HECW1: variants seen among roughly 807,000 people sequenced by gnomAD.
The protein encoded by HECW1 is HECT, C2 and WW domain containing E3 ubiquitin protein ligase 1.
In HECW1, 61 loss-of-function variants were observed where a neutral mutation model predicts 182.3. The ratio of observed to expected loss-of-function variants is 0.33; its 90% CI spans 0.27 to 0.41. The LOEUF is 0.41. HECW1 is among the 10% of genes least tolerant of loss of function. The pLI is 1.00. For synonymous variants in HECW1, 859 were observed against 832.6 expected, an observed-to-expected ratio of 1.03 and a Z score of -0.55; for missense variants, 1,739 against 2,108.9, an observed-to-expected ratio of 0.82 and a Z score of 3.44.
At chr7:43,504,859 G>A (rs1267904899) in intron 21 of HECW1, among the ~76,000 whole-genome samples, 1 of 152,166 alleles carries the variant, frequency 6.6e-6, no homozygotes, top group Non-Finnish European at 1.5e-5. Context: ...TAGCAAACCT[G>A]TACACATCTT....
chr7:43,212,296 A>G (rs1444392560), intron 2 of HECW1, among the ~76,000 whole-genome samples: 4 of 152,212 alleles, frequency 2.6e-5, no homozygotes, highest in African/African-American at 4.8e-5. Context: ...ATCAAATCAG[A>G]TCATACACTC....
intron 3 of HECW1, among the ~76,000 whole-genome samples, chr7:43,292,995 C>T (rs1007283436): frequency 1.3e-5 from 2 of 151,972 alleles, no homozygotes; most frequent in South Asian, 2.1e-4. Context: ...GAGGCCAAGG[C>T]GGGTGGATCA....
chr7:43,246,699 C>T (rs1799408173), intron 3 of HECW1, among the ~76,000 whole-genome samples: 2 of 152,152 alleles, frequency 1.3e-5, no homozygotes, highest in South Asian at 4.1e-4. Flanking sequence ...TATCAAAGGC[C>T]CTCTGTGGAG....
intron 2 of HECW1, among the ~76,000 whole-genome samples, chr7:43,117,484 C>A (rs1785153990): frequency 1.3e-5 from 2 of 148,162 alleles, no homozygotes; most frequent in Non-Finnish European, 3.0e-5. Context: ...TCAGCTCAAT[C>A]TTTTCTACTT....
intron 26 of HECW1, among the ~76,000 whole-genome samples, chr7:43,549,287 G>A (rs2081701023): frequency 6.6e-6 from 1 of 152,204 alleles, no homozygotes; most frequent in Non-Finnish European, 1.5e-5. Context: ...GTGGTAACAA[G>A]TATTTTATCA....
intron 24 of HECW1, among the ~76,000 whole-genome samples, chr7:43,524,659 G>A (rs1388475358): frequency 1.3e-5 from 2 of 152,176 alleles, no homozygotes; most frequent in Non-Finnish European, 2.9e-5. Context: ...TTTGTAGATG[G>A]GAAGAGAGGA....
intron 28 of HECW1, among the ~76,000 whole-genome samples, chr7:43,552,906 C>G (rs888410416): frequency 9.9e-5 from 15 of 152,186 alleles, no homozygotes; most frequent in African/African-American, 3.6e-4. Context: ...CAGGTGACAT[C>G]GTCCTCATAT....
At chr7:43,162,351 A>G (rs1361041755) in intron 2 of HECW1, among the ~76,000 whole-genome samples, 1 of 152,198 alleles carries the variant, frequency 6.6e-6, no homozygotes, top group African/African-American at 2.4e-5. Flanking sequence ...AAGGCTCCAG[A>G]GCCCAATCAG....
intron 3 of HECW1, among the ~76,000 whole-genome samples, chr7:43,285,455 A>T (rs1405673595): frequency 1.3e-5 from 2 of 152,200 alleles, no homozygotes; most frequent in African/African-American, 4.8e-5. Context: ...TTCATGAGTC[A>T]TATGCCACTT....
intron 5 of HECW1, among the ~76,000 whole-genome samples, chr7:43,358,803 T>G (rs1214078385): frequency 1.3e-5 from 2 of 149,986 alleles, no homozygotes; most frequent in Non-Finnish European, 3.0e-5. Context: ...GAAGGGAGGA[T>G]CCTTAAAATA....
In HECW1 at chr7:43,471,579, C is replaced by T. The variant is rs990716359; in HGVS notation, c.3099+2474C>T. Among the ~76,000 whole-genome samples the T allele has an allele frequency of 4.6e-5, 7 of 152,186 alleles. No individual in the cohort carries two copies. The South Asian group carries it at 1.5e-3, about 32-fold the overall frequency. On this transcript the variant is annotated intron_variant, in intron 16 of 29. Coordinates refer to ENST00000395891, the MANE Select transcript of HECW1 (RefSeq NM_015052.5). ...CTCTGCTGCTTCAGGAGGACCGGGG[C>T]AAAGAACACGCTGGCATCTGACTCA...
intron 2 of HECW1, among the ~76,000 whole-genome samples, chr7:43,129,640 G>A (rs143886072): frequency 1.8e-4 from 27 of 152,170 alleles, no homozygotes; most frequent in East Asian, 7.7e-4. Context: ...AAAACAAAAC[G>A]GATAAAGGAC....
intron 6 of HECW1, among the ~76,000 whole-genome samples, chr7:43,367,249 G>T (rs2152817048): frequency 6.6e-6 from 1 of 152,262 alleles, no homozygotes; most frequent in Admixed American, 6.5e-5. Flanking sequence ...TTTGTGAATT[G>T]TTTTCCTGTT....
At chr7:43,478,714 A>AT (rs1236338973) in intron 16 of HECW1, among the ~76,000 whole-genome samples, 1 of 152,030 alleles carries the variant, frequency 6.6e-6, no homozygotes. Context: ...ATTTGGGGTG[A>AT]TTTTTATTAT....
intron 3 of HECW1, among the ~76,000 whole-genome samples, chr7:43,299,382 G>T (rs560781404): frequency 6.6e-6 from 1 of 152,264 alleles, no homozygotes; most frequent in African/African-American, 2.4e-5. Flanking sequence ...AGATGGTCAC[G>T]GGCATCTAAG....
intron 2 of HECW1, among the ~76,000 whole-genome samples, chr7:43,203,973 G>T (rs1227776093): frequency 1.3e-5 from 2 of 152,174 alleles, no homozygotes; most frequent in South Asian, 4.2e-4. Context: ...AATTATAAAT[G>T]GACTCTTTTT....
intron 17 of HECW1, among the ~76,000 whole-genome samples, chr7:43,480,367 A>G (rs2078381296): frequency 6.6e-6 from 1 of 152,096 alleles, no homozygotes; most frequent in South Asian, 2.1e-4. Context: ...CTCAAAACAT[A>G]GCTCTTTTTT....
At chr7:43,450,741 G>C (rs1209865696) in intron 11 of HECW1, 87 bp from the exon 12 acceptor site, 2 of 824,726 alleles carry the variant, frequency 2.4e-6, no homozygotes, top group Non-Finnish European at 4.2e-6. Context: ...GTTGTTTCTT[G>C]TAGTGCTTAG....
intron 5 of HECW1, among the ~76,000 whole-genome samples, chr7:43,338,297 G>A (rs1403215403): frequency 2.0e-5 from 3 of 152,146 alleles, no homozygotes; most frequent in Non-Finnish European, 4.4e-5. Context: ...CGTCAGTGCT[G>A]TGTGATGCCC....
Sources: gnomAD v4.1 joint callset for allele counts (sites outside exome capture counted in the v4.1 genomes callset) on GRCh38, gnomAD v4.1.1 for gene constraint, MANE v1.5 for transcripts, NCBI Gene and HGNC (gene_info 2026-07-23, HGNC 2026-07-21) for gene names.